GABRG2: variants seen among roughly 807,000 people sequenced by gnomAD.
The protein encoded by GABRG2 is gamma-aminobutyric acid receptor subunit gamma-2.
A neutral mutation model predicts 56.4 loss-of-function variants in GABRG2; 16 were observed. That is an observed-to-expected ratio of 0.28 (90% confidence interval 0.19 to 0.43). The LOEUF is 0.43. Among genes scored for constraint, GABRG2 ranks in the 20% least tolerant of loss-of-function variants. The probability of loss-of-function intolerance (pLI) is 1.00; values close to 1 mark genes in which losing one functional copy is unlikely to be tolerated. For synonymous variants in GABRG2, 208 were observed against 205.5 expected (o/e 1.01, Z -0.10); for missense variants, 327 against 582.7 (o/e 0.56, Z 4.52).
intron 5 of GABRG2, chr5:162,103,578 G>T (rs1399606324): frequency 8.2e-6 from 3 of 365,258 alleles, no homozygotes; most frequent in Non-Finnish European, 1.6e-5. Flanking sequence ...CTGGTCACTT[G>T]GTATGCACTA....
At chr5:162,078,369 C>CTATA (rs774147866) in intron 1 of GABRG2, among the ~76,000 whole-genome samples, 544 of 53,862 alleles carry the variant, frequency 0.01, 14 homozygotes, top group East Asian at 0.026. Context: ...GAGCATCTTA[C>CTATA]TATATATATA....
intron 1 of GABRG2, among the ~76,000 whole-genome samples, chr5:162,087,177 A>G (rs551091311): frequency 6.6e-6 from 1 of 152,012 alleles, no homozygotes; most frequent in Non-Finnish European, 1.5e-5. Context: ...ATAACCTGAC[A>G]TTGATTATTT....
chr5:162,128,658 T>C (rs1763510219), intron 6 of GABRG2, among the ~76,000 whole-genome samples: 1 of 151,992 alleles, frequency 6.6e-6, no homozygotes, highest in Non-Finnish European at 1.5e-5. Flanking sequence ...GCTCTGATAC[T>C]GTACTTCGAC....
intron 7 of GABRG2, 123 bp downstream of exon 7, chr5:162,142,439 G>T: frequency 9.6e-7 from 1 of 1,043,856 alleles, no homozygotes; most frequent in Non-Finnish European, 1.5e-6. Flanking sequence ...AATACCATTT[G>T]TTTCATATTC....
intron 7 of GABRG2, 56 bp from the exon 8 acceptor site, chr5:162,149,052 A>G (rs1317197582): frequency 1.3e-6 from 2 of 1,528,408 alleles, no homozygotes; most frequent in Admixed American, 1.7e-5. Context: ...CGAGTGACTC[A>G]GTTACCCAAC....
At position 162,106,513 on chromosome 5, in the gene GABRG2, C is replaced by T. The variant is rs1254930539; in HGVS notation, c.769+2487C>T. ...CTCGATATTTGCTTGATTTTTGATG[C>T]TATTCTTATCTTCAAAGCATAGCTG... On this transcript the variant is annotated intron_variant, in intron 6 of 9. Transcript: ENST00000639213. Among the ~76,000 whole-genome samples the T allele has an allele frequency of 3.3e-5, 5 of 152,094 alleles. 1 individual carries two copies. The highest frequency in any genetic ancestry group is 7.4e-5 in the Non-Finnish European group (5 of 68,022).
At chr5:162,142,573 A>C (rs1375163363) in intron 7 of GABRG2, 4 of 386,722 alleles carry the variant, frequency 1.0e-5, no homozygotes, top group South Asian at 6.3e-5. Flanking sequence ...GCAGCCATAA[A>C]AAATGATGAG....
At chr5:162,087,866 A>G (rs1247694787) in intron 1 of GABRG2, among the ~76,000 whole-genome samples, 4 of 152,112 alleles carry the variant, frequency 2.6e-5, no homozygotes, top group Non-Finnish European at 5.9e-5. Context: ...ATATATTGCA[A>G]ACTAAGTGTC....
At chr5:162,104,468 G>C (rs918898857) in intron 6 of GABRG2, among the ~76,000 whole-genome samples, 10 of 151,986 alleles carry the variant, frequency 6.6e-5, no homozygotes, top group African/African-American at 2.4e-4. Context: ...ATCCATCAGT[G>C]GATAATAGAA....
At chr5:162,140,538 C>G (rs1335175375) in intron 6 of GABRG2, among the ~76,000 whole-genome samples, 1 of 152,120 alleles carries the variant, frequency 6.6e-6, no homozygotes, top group Non-Finnish European at 1.5e-5. Flanking sequence ...TGTAGGGCAC[C>G]TTATTTTCAA....
chr5:162,109,389 A>AATATATATATATATATATATATATATAT (rs535370579), intron 6 of GABRG2, among the ~76,000 whole-genome samples: 1 of 116,266 alleles, frequency 8.6e-6, no homozygotes, highest in Non-Finnish European at 1.7e-5. Flanking sequence ...CTTAAAGTAT[A>AATATATATATATATATATATATATATAT]ATATATATAT....
intron 6 of GABRG2, among the ~76,000 whole-genome samples, chr5:162,136,044 T>C (rs1366040039): frequency 6.6e-6 from 1 of 152,054 alleles, no homozygotes; most frequent in Non-Finnish European, 1.5e-5. Flanking sequence ...GAGCAACATA[T>C]TGCAAACAAG....
upstream of GABRG2, chr5:162,067,666 C>T (rs886060374): frequency 5.0e-6 from 3 of 596,720 alleles, no homozygotes; most frequent in African/African-American, 3.7e-5. Context: ...CATGAGTATA[C>T]ACGAGTGTGC....
chr5:162,101,561 T>G (rs2113354238), intron 5 of GABRG2: 1 of 519,210 alleles, frequency 1.9e-6, no homozygotes, highest in South Asian at 2.1e-5. Context: ...AAACTTTTAA[T>G]ATATTGGTTG....
intron 6 of GABRG2, among the ~76,000 whole-genome samples, chr5:162,108,997 T>C (rs968264435): frequency 6.6e-6 from 1 of 152,160 alleles, no homozygotes. Flanking sequence ...GATTTATATT[T>C]CTTTGGGTAT....
At chr5:162,131,846 A>G (rs985168803) in intron 6 of GABRG2, among the ~76,000 whole-genome samples, 3 of 148,200 alleles carry the variant, frequency 2.0e-5, no homozygotes, top group African/African-American at 7.3e-5. Context: ...TAAGCCTTGG[A>G]TTTAGGGTCA....
rs189765263 is a variant in GABRG2 at position 162,136,450 on chromosome 5, C to T, written c.770-5714C>T. On this transcript the variant is annotated intron_variant, in intron 6 of 9. Coordinates refer to ENST00000639213, the MANE Select transcript of GABRG2 (RefSeq NM_198904.4). ...CCATTTTAGATAGGACAGGTGTAGT[C>T]GCATTGTGGAATATATGTGTGTGGG... is the stretch of plus-strand genomic sequence containing the variant. 2.5e-3 allele frequency among the ~76,000 whole-genome samples: 376 copies of T among 151,286 alleles called. 3 individuals are homozygous for T. Among genetic ancestry groups the T allele is most frequent in the African/African-American group, 8.6e-3 (356 of 41,194 alleles).
intron 1 of GABRG2, among the ~76,000 whole-genome samples, chr5:162,076,003 T>A (rs1046179024): frequency 1.3e-5 from 2 of 148,284 alleles, no homozygotes; most frequent in Non-Finnish European, 3.0e-5. Flanking sequence ...AAAAAAAAAA[T>A]TAACTGGGTA....
chr5:162,127,340 AAG>A (rs1763407230), intron 6 of GABRG2, among the ~76,000 whole-genome samples: 1 of 151,990 alleles, frequency 6.6e-6, no homozygotes, highest in Non-Finnish European at 1.5e-5. Flanking sequence ...GAAAAAAACT[AAG>A]ATCATTCTAG....
Sources: allele counts gnomAD v4.1 joint callset (sites outside exome capture counted in the v4.1 genomes callset), GRCh38; gene constraint gnomAD v4.1.1; transcripts MANE v1.5; gene names NCBI Gene and HGNC (gene_info 2026-07-23, HGNC 2026-07-21).